Variants in PSG1 observed in about 807,000 individuals in gnomAD.
The protein encoded by PSG1 is pregnancy specific beta-1-glycoprotein 1, also known as pregnancy-specific beta-1-glycoprotein 1.
A neutral mutation model predicts 41.4 loss-of-function variants in PSG1; 60 were observed. The ratio of observed to expected loss-of-function variants is 1.45; its 90% confidence interval spans 1.18 to 1.80. The LOEUF is 1.80. Among genes scored for constraint, PSG1 ranks in the 40% most tolerant of loss-of-function variants. The pLI is 0.00. For synonymous variants in PSG1, 256 were observed against 192.9 expected (o/e 1.33, Z -2.71); for missense variants, 806 against 516.9 (o/e 1.56, Z -5.42).
At chr19:42,867,267 C>T in intron 5 of PSG1, 117 bp from the exon 6 acceptor site, 1 of 713,522 alleles carries the variant, frequency 1.4e-6, no homozygotes. Context: ...TCTACTTTTA[C>T]CAATGATAAT....
At chr19:42,867,478 A>C (rs1477607759) in intron 5 of PSG1, 2 of 580,540 alleles carry the variant, frequency 3.4e-6, no homozygotes, top group African/African-American at 3.8e-5. Context: ...GGCTGACTTC[A>C]GACTTTGCCT....
In PSG1 at chr19:42,878,018, T is replaced by C. The variant is rs201426635; in HGVS notation, c.325A>G (p.Ile109Val). ...ETAYSNASLL[I>V]QNVTREDAGS... ...GCGTCCTCCCGGGTGACATTCTGGATCAGCAGGGATGCATTGGAATATGCT... is the reference window on the plus strand; with the variant it reads ...GCGTCCTCCCGGGTGACATTCTGGACCAGCAGGGATGCATTGGAATATGCT... Residue 109 changes from isoleucine (I) to valine (V), a missense_variant, in exon 2 of 6, where the codon ATC (isoleucine) becomes GTC (valine). Transcript: ENST00000436291. 1.2e-6 allele frequency: 2 copies of C among 1,612,450 alleles called. No homozygotes were observed. The highest frequency in any genetic ancestry group is 8.5e-7 in the Non-Finnish European group (1 of 1,179,176).
intron 2 of PSG1, among the ~76,000 whole-genome samples, chr19:42,877,564 G>A (rs2122558613): frequency 6.6e-6 from 1 of 151,738 alleles, no homozygotes; most frequent in African/African-American, 2.4e-5. Context: ...GAGTATCTCA[G>A]GGGGCCCCTC....
rs1971158159 is a variant in PSG1 at position 42,866,943 on chromosome 19, G to C, written c.*191C>G. ...CATCCACTTGTTGTCCTGGTTTACA[G>C]TTTGAGCATCTGTTGTTATGGTGTC... On this transcript the variant is annotated 3_prime_UTR_variant, in exon 6 of 6. Coordinates refer to ENST00000436291, the MANE Select transcript of PSG1 (RefSeq NM_001184825.2). The C allele has an allele frequency of 1.4e-6, 1 of 735,940 alleles. No homozygotes were observed. The highest frequency in any genetic ancestry group is 2.5e-6 in the Non-Finnish European group (1 of 402,604). 45.6% of individuals were successfully genotyped at this position (735,940 alleles called of 1,614,324 possible). A position where few individuals can be genotyped will look rare whatever the true frequency, so the allele number is the denominator to read the frequency against.
At chr19:42,870,897 C>T (rs1300493931) in intron 3 of PSG1, among the ~76,000 whole-genome samples, 1 of 151,610 alleles carries the variant, frequency 6.6e-6, no homozygotes, top group East Asian at 1.9e-4. Context: ...AATTTCCTTT[C>T]AGATTGTTCA....
chr19:42,874,101 T>A, intron 2 of PSG1: 1 of 151,722 alleles, frequency 6.6e-6, no homozygotes, highest in East Asian at 1.9e-4. Flanking sequence ...ACCACCGGTA[T>A]TCCCATTACG....
chr19:42,876,730 C>A, intron 2 of PSG1: 1 of 169,160 alleles, frequency 5.9e-6, no homozygotes, highest in South Asian at 1.3e-4. Context: ...CATTTTTTTG[C>A]ACTGACTCTG....
chr19:42,869,218 C>G (rs1971276983), intron 3 of PSG1, 184 bp from the exon 4 acceptor site: 1 of 1,330,550 alleles, frequency 7.5e-7, no homozygotes, highest in Admixed American at 2.6e-5. Context: ...GTGAGGCCGC[C>G]TTCTCTGTCT....
rs370007049 is a variant in PSG1, at chr19:42,871,737, C to T, written c.709+30G>A. The stretch of plus-strand genomic sequence containing the variant: ...GGCCACGTGTATTTGGGATGGCAGC[C>T]TGGCTCACAGAGGAACAGAAGATAC... On this transcript the variant is annotated intron_variant, in intron 3 of 5. Transcript: ENST00000436291. The T allele has an allele frequency of 1.3e-4, 207 of 1,612,646 alleles. 7 individuals are homozygous for T. In the South Asian group the frequency reaches 1.9e-3, roughly 15 times the overall value.
At chr19:42,877,265 T>A (rs1971647993) in intron 2 of PSG1, among the ~76,000 whole-genome samples, 1 of 151,680 alleles carries the variant, frequency 6.6e-6, no homozygotes, top group Admixed American at 6.6e-5. Context: ...CTAAGCCTCC[T>A]AAGGCAGTTG....
At chr19:42,867,615 A>G (rs1307566127) in intron 5 of PSG1, 2 of 707,824 alleles carry the variant, frequency 2.8e-6, no homozygotes, top group South Asian at 1.6e-5. Context: ...GTACTTGTGC[A>G]AATATGTGTA....
chr19:42,877,986 G>A lies in PSG1; in HGVS notation c.357C>T (p.Ser119=). 1.2e-6 allele frequency: 2 copies of A among 1,612,438 alleles called. No homozygotes were observed. The highest frequency in any genetic ancestry group is 1.1e-5 in the South Asian group (1 of 90,836). The change falls in exon 2 of 6, where the codon TCC becomes TCT. Residue 119 remains serine, a synonymous_variant. Transcript: ENST00000436291. ...IQNVTREDAG[S]YTLHIIKGDD... ...CTCCCTTTATGATGTGTAAGGTGTA[G>A]GATCCTGCGTCCTCCCGGGTGACAT...
intron 1 of PSG1, among the ~76,000 whole-genome samples, chr19:42,879,255 T>G (rs1568429586): frequency 6.6e-6 from 1 of 150,476 alleles, no homozygotes; most frequent in African/African-American, 2.5e-5. Context: ...CGGGTTCACG[T>G]GATTCTCCTG....
intron 2 of PSG1, among the ~76,000 whole-genome samples, chr19:42,875,307 T>C (rs181438300): frequency 6.6e-6 from 1 of 151,862 alleles, no homozygotes; most frequent in African/African-American, 2.4e-5. Flanking sequence ...TTTGTAAAAC[T>C]AGTGAAAGAC....
chr19:42,868,430 C>G (rs1600489015), intron 4 of PSG1, 75 bp from the exon 5 acceptor site: 8 of 1,483,892 alleles, frequency 5.4e-6, no homozygotes, highest in Non-Finnish European at 1.8e-6. Flanking sequence ...TAAAGGGACA[C>G]AGTGACCCTC....
At chr19:42,871,740 G>T in intron 3 of PSG1, 27 bp downstream of exon 3, 1 of 1,612,662 alleles carries the variant, frequency 6.2e-7, no homozygotes, top group Non-Finnish European at 8.5e-7. Flanking sequence ...TGGCAGCCTG[G>T]CTCACAGAGG....
At chr19:42,874,230 T>C (rs1259087323) in intron 2 of PSG1, 2 of 151,858 alleles carry the variant, frequency 1.3e-5, no homozygotes, top group African/African-American at 4.8e-5. Context: ...CCCACTCTTT[T>C]TGAACTTTCC....
chr19:42,874,729 G>A (rs1971533669), intron 2 of PSG1, among the ~76,000 whole-genome samples: 1 of 151,584 alleles, frequency 6.6e-6, no homozygotes, highest in Non-Finnish European at 1.5e-5. Context: ...TTTCAAGCTT[G>A]TTATACGCCT....
chr19:42,872,773 T>C (rs1330168890), intron 2 of PSG1, among the ~76,000 whole-genome samples: 1 of 151,826 alleles, frequency 6.6e-6, no homozygotes, highest in Non-Finnish European at 1.5e-5. Flanking sequence ...CTCTTCTGGG[T>C]CCATGATGCT....
Sources: allele counts gnomAD v4.1 joint callset (sites outside exome capture counted in the v4.1 genomes callset), GRCh38; gene constraint gnomAD v4.1.1; transcripts MANE v1.5; gene names NCBI Gene and HGNC (gene_info 2026-07-23, HGNC 2026-07-21).